NR3C1: variants seen among roughly 807,000 people sequenced by gnomAD.
The protein encoded by NR3C1 is nuclear receptor subfamily 3 group C member 1.
NR3C1 carries 14 observed loss-of-function variants against 74.0 expected under a neutral mutation model. The ratio of observed to expected loss-of-function variants is 0.19; its 90% CI spans 0.12 to 0.30. NR3C1 has a LOEUF of 0.30. NR3C1 is among the 10% of genes least tolerant of loss of function. NR3C1 has a pLI of 1.00. For synonymous variants in NR3C1, 308 were observed against 332.5 expected (o/e 0.93, Z 0.80); for missense variants, 695 against 909.8 (o/e 0.76, Z 3.04).
Position 143,281,581 on chromosome 5 carries a change from G to A in NR3C1, c.*308C>T. ...ATCACACAGACTTTGGGCACTGGTGGTTTAGGTGCCATCCTTCTTTGACTG... is the reference window on the plus strand; with the variant it reads ...ATCACACAGACTTTGGGCACTGGTGATTTAGGTGCCATCCTTCTTTGACTG... On this transcript the variant is annotated 3_prime_UTR_variant, in exon 9 of 9. Coordinates refer to ENST00000394464, the MANE Select transcript of NR3C1 (RefSeq NM_000176.3). 1 of 314,478 alleles carries A rather than the reference G, an allele frequency of 3.2e-6. No individual in the cohort carries two copies. Among genetic ancestry groups the A allele is most frequent in the Admixed American group, 4.8e-5 (1 of 20,918 alleles). The allele number at this position is 314,478 out of a possible 1,614,324, so 19.5% of individuals were successfully genotyped here.
chr5:143,299,687 AATT>A (rs1262323862), intron 5 of NR3C1, among the ~76,000 whole-genome samples: 1 of 152,208 alleles, frequency 6.6e-6, no homozygotes. Context: ...GCTTTTATTA[AATT>A]ATTACATGTA....
intron 4 of NR3C1, among the ~76,000 whole-genome samples, chr5:143,301,682 T>C (rs1478397253): frequency 6.6e-6 from 1 of 152,090 alleles, no homozygotes; most frequent in Non-Finnish European, 1.5e-5. Context: ...TACTCAGAAT[T>C]CCAGGGAAAG....
intron 6 of NR3C1, among the ~76,000 whole-genome samples, chr5:143,296,691 T>C (rs911026141): frequency 2.6e-5 from 4 of 152,156 alleles, no homozygotes; most frequent in African/African-American, 9.7e-5. Context: ...GACAGCTCTA[T>C]AGAGGGTCAG....
intron 1 of NR3C1, chr5:143,401,424 T>C (rs963275736): frequency 4.4e-5 from 7 of 159,836 alleles, no homozygotes; most frequent in African/African-American, 1.7e-4. Flanking sequence ...ATGCACGTTT[T>C]CTTTGAAAAA....
intron 1 of NR3C1, among the ~76,000 whole-genome samples, chr5:143,415,780 C>A (rs1225337326): frequency 2.0e-5 from 3 of 152,116 alleles, no homozygotes; most frequent in Non-Finnish European, 1.5e-5. Flanking sequence ...ATTTCTCAGG[C>A]AAATGTGATT....
At chr5:143,295,019 G>GTAAT in intron 7 of NR3C1, 1 of 985,346 alleles carries the variant, frequency 1.0e-6, no homozygotes, top group Non-Finnish European at 1.2e-6. Context: ...ATCCCCAATA[G>GTAAT]TAATTAAGCA....
intron 2 of NR3C1, among the ~76,000 whole-genome samples, chr5:143,347,912 T>G (rs912568679): frequency 5.3e-5 from 8 of 152,232 alleles, no homozygotes; most frequent in Non-Finnish European, 1.0e-4. Flanking sequence ...AAACGGGCTC[T>G]CATTTTTTTA....
chr5:143,403,789 T>G, upstream of NR3C1: 1 of 980,828 alleles, frequency 1.0e-6, no homozygotes. Flanking sequence ...TGCAACCTGT[T>G]GGTGACGCTT....
chr5:143,321,007 A>C (rs765440631), intron 2 of NR3C1, among the ~76,000 whole-genome samples: 2 of 152,208 alleles, frequency 1.3e-5, no homozygotes, highest in Non-Finnish European at 2.9e-5. Context: ...GGTAAGAAGA[A>C]AGACTAAAAA....
intron 2 of NR3C1, among the ~76,000 whole-genome samples, chr5:143,399,012 T>A (rs1600593552): frequency 1.3e-5 from 2 of 152,214 alleles, no homozygotes; most frequent in Non-Finnish European, 2.9e-5. Context: ...AAGAGATTGA[T>A]CAGCAGACAT....
intron 2 of NR3C1, among the ~76,000 whole-genome samples, chr5:143,336,136 T>A (rs550395165): frequency 6.6e-5 from 10 of 152,238 alleles, no homozygotes; most frequent in African/African-American, 2.4e-4. Flanking sequence ...AAAGCTCTCA[T>A]TTTGAATCAA....
intron 1 of NR3C1, among the ~76,000 whole-genome samples, 200 bp downstream of exon 1, chr5:143,403,011 A>C (rs1600639513): frequency 8.0e-6 from 1 of 124,818 alleles, no homozygotes; most frequent in African/African-American, 3.2e-5. Flanking sequence ...ACGCCTGCGG[A>C]GGGAGAGGAA....
In NR3C1 at chr5:143,365,610, C is replaced by A. The variant is rs10477207; in HGVS notation, c.1184+34046G>T. Reference sequence around the variant, plus strand: ...AATATCCTACTTCCAATAGACAGAACAACTAGATAGAAATCTGCAAGGAAA... The same window carrying A: ...AATATCCTACTTCCAATAGACAGAAAAACTAGATAGAAATCTGCAAGGAAA... On this transcript the variant is annotated intron_variant, in intron 2 of 8. Coordinates refer to ENST00000394464, the MANE Select transcript of NR3C1 (RefSeq NM_000176.3). 4.4e-3 allele frequency among the ~76,000 whole-genome samples: 671 copies of A among 152,210 alleles called. 2 individuals are homozygous for A. Among genetic ancestry groups the A allele is most frequent in the African/African-American group, 0.015 (639 of 41,530 alleles).
intron 1 of NR3C1, among the ~76,000 whole-genome samples, chr5:143,402,138 A>G (rs1292737012): frequency 6.6e-6 from 1 of 152,194 alleles, no homozygotes; most frequent in Non-Finnish European, 1.5e-5. Context: ...TAAACTGCTT[A>G]TCTCCCCACC....
chr5:143,403,738 G>A, upstream of NR3C1: 1 of 984,980 alleles, frequency 1.0e-6, no homozygotes, highest in Non-Finnish European at 1.2e-6. Flanking sequence ...ACCCCCGGCC[G>A]CTCCCCGCCC....
At chr5:143,290,441 C>T (rs961574530) in intron 7 of NR3C1, among the ~76,000 whole-genome samples, 1 of 152,222 alleles carries the variant, frequency 6.6e-6, no homozygotes, top group Non-Finnish European at 1.5e-5. Flanking sequence ...TTGGGTTATA[C>T]TATGCAAAGT....
rs1812829908 is a variant in NR3C1 at position 143,279,784 on chromosome 5, C to G, written c.*2105G>C. The G allele has an allele frequency of 5.8e-6, 1 of 172,400 alleles. No individual in the cohort carries two copies. Among genetic ancestry groups the G allele is most frequent in the African/African-American group, 2.4e-5 (1 of 41,858 alleles). The allele number at this position is 172,400 out of a possible 1,614,324, so 10.7% of individuals were successfully genotyped here. Reference sequence around the variant, plus strand: ...CTGGTACCTCTATGCAAACTATTGCCAAACTTCTGAAGCTTCTGTTGTCAT... The same window carrying G: ...CTGGTACCTCTATGCAAACTATTGCGAAACTTCTGAAGCTTCTGTTGTCAT... On this transcript the variant is annotated 3_prime_UTR_variant, in exon 9 of 9. Transcript: ENST00000394464.
intron 2 of NR3C1, among the ~76,000 whole-genome samples, chr5:143,328,868 A>G (rs1389489213): frequency 2.6e-5 from 4 of 152,324 alleles, no homozygotes; most frequent in Non-Finnish European, 5.9e-5. Context: ...CGTCACTATC[A>G]GCATTTTGGT....
chr5:143,302,127 T>A (rs1392481948), intron 4 of NR3C1, among the ~76,000 whole-genome samples: 1 of 152,098 alleles, frequency 6.6e-6, no homozygotes, highest in African/African-American at 2.4e-5. Flanking sequence ...CTGTGCAAGT[T>A]ACTCCCTGAC....
Sources: allele counts gnomAD v4.1 joint callset (sites outside exome capture counted in the v4.1 genomes callset), GRCh38; gene constraint gnomAD v4.1.1; transcripts MANE v1.5; gene names NCBI Gene and HGNC (gene_info 2026-07-23, HGNC 2026-07-21).